SPIDR: variants seen among roughly 807,000 people sequenced by gnomAD.
SPIDR encodes scaffold protein involved in DNA repair.
Under a neutral mutation model 104.6 loss-of-function variants are expected in SPIDR, and 93 were observed. The ratio of observed to expected loss-of-function variants is 0.89; its 90% CI spans 0.75 to 1.06. The LOEUF is 1.06. SPIDR is among the 50% of genes least tolerant of loss of function. SPIDR has a pLI of 0.00. For missense variants in SPIDR, 1,154 were observed against 1,111.2 expected, an observed-to-expected ratio of 1.04 and a Z score of -0.55; for synonymous variants, 431 against 416.9, an observed-to-expected ratio of 1.03 and a Z score of -0.41.
chr8:47,477,685 TA>T (rs1415968133), intron 8 of SPIDR, among the ~76,000 whole-genome samples: 2 of 152,196 alleles, frequency 1.3e-5, no homozygotes, highest in African/African-American at 4.8e-5. Context: ...CAATAAGTAT[TA>T]AAGTGGCAGT....
intron 8 of SPIDR, among the ~76,000 whole-genome samples, chr8:47,517,798 A>C (rs1331114122): frequency 6.6e-6 from 1 of 152,164 alleles, no homozygotes; most frequent in Non-Finnish European, 1.5e-5. Context: ...AATCCATCTG[A>C]AATTTATTTT....
intron 5 of SPIDR, among the ~76,000 whole-genome samples, chr8:47,304,337 A>G (rs1370541023): frequency 6.6e-6 from 1 of 152,074 alleles, no homozygotes; most frequent in Non-Finnish European, 1.5e-5. Context: ...CTGTCCTCAC[A>G]ATAGTGAGTG....
intron 5 of SPIDR, among the ~76,000 whole-genome samples, chr8:47,342,575 G>C (rs1554614806): frequency 6.6e-6 from 1 of 152,030 alleles, no homozygotes; most frequent in Non-Finnish European, 1.5e-5. Context: ...GACCTCAGGT[G>C]ATCCACCTGC....
In SPIDR at chr8:47,627,583, C is replaced by G. The variant is rs181758627; in HGVS notation, c.1544+28387C>G. Among the ~76,000 whole-genome samples, 4 of 152,268 alleles carry G rather than the reference C, an allele frequency of 2.6e-5. No individual in the cohort carries two copies. The East Asian group carries it at 7.7e-4, about 29-fold the overall frequency. Reference sequence around the variant, plus strand: ...TGTTTAAGAAATTGCTCAGGATACTCTGTCTCTGCTTTTGAAAACTTTCTC... The same window carrying G: ...TGTTTAAGAAATTGCTCAGGATACTGTGTCTCTGCTTTTGAAAACTTTCTC... On this transcript the variant is annotated intron_variant, in intron 10 of 19. Coordinates refer to ENST00000297423, the MANE Select transcript of SPIDR (RefSeq NM_001080394.4).
intron 3 of SPIDR, among the ~76,000 whole-genome samples, chr8:47,285,223 G>A (rs1220055899): frequency 6.6e-6 from 1 of 152,182 alleles, no homozygotes; most frequent in Non-Finnish European, 1.5e-5. Flanking sequence ...TCTACAGAGT[G>A]AACTAACTTC....
intron 11 of SPIDR, chr8:47,697,618 T>G (rs1399430601): frequency 3.3e-5 from 5 of 152,362 alleles, no homozygotes; most frequent in Non-Finnish European, 7.3e-5. Flanking sequence ...GTGCTGCAGG[T>G]GGGTCTGCCA....
At chr8:47,294,175 A>G in intron 5 of SPIDR, 145 bp downstream of exon 5, 2 of 990,754 alleles carry the variant, frequency 2.0e-6, no homozygotes, top group East Asian at 2.7e-5. Context: ...TTCTTTACTC[A>G]CTTATCTCTA....
intron 10 of SPIDR, among the ~76,000 whole-genome samples, chr8:47,604,556 G>A (rs897854951): frequency 3.9e-5 from 6 of 152,228 alleles, no homozygotes; most frequent in Admixed American, 3.9e-4. Context: ...AGGACTGGTG[G>A]GTTCCTGAGT....
chr8:47,650,004 AC>A, intron 10 of SPIDR, among the ~76,000 whole-genome samples: 1 of 152,324 alleles, frequency 6.6e-6, no homozygotes, highest in African/African-American at 2.4e-5. Context: ...CCAACATCAT[AC>A]TGAATGGGGA....
chr8:47,535,748 C>T (rs2086796821), intron 8 of SPIDR, among the ~76,000 whole-genome samples: 1 of 151,946 alleles, frequency 6.6e-6, no homozygotes, highest in Non-Finnish European at 1.5e-5. Flanking sequence ...GTTAAAGAAC[C>T]TCTGCAAAGA....
intron 5 of SPIDR, among the ~76,000 whole-genome samples, chr8:47,315,763 A>T (rs1192205977): frequency 6.6e-6 from 1 of 152,196 alleles, no homozygotes; most frequent in Non-Finnish European, 1.5e-5. Flanking sequence ...GAGGGAAAAG[A>T]AAGGCTTTTA....
chr8:47,480,689 T>G (rs1344342285), intron 8 of SPIDR, among the ~76,000 whole-genome samples: 1 of 152,174 alleles, frequency 6.6e-6, no homozygotes, highest in Non-Finnish European at 1.5e-5. Context: ...CTGACTTGGA[T>G]TTCAGAGTTT....
intron 10 of SPIDR, among the ~76,000 whole-genome samples, chr8:47,615,566 G>A (rs1278816609): frequency 6.6e-6 from 1 of 150,424 alleles, no homozygotes; most frequent in East Asian, 2.0e-4. Context: ...TCCGCCTCTC[G>A]GGTTCCAGCA....
intron 9 of SPIDR, among the ~76,000 whole-genome samples, chr8:47,598,340 G>C (rs760108379): frequency 6.6e-6 from 1 of 152,132 alleles, no homozygotes; most frequent in South Asian, 2.1e-4. Context: ...TAAAATGGAG[G>C]TGTGATATTA....
intron 6 of SPIDR, among the ~76,000 whole-genome samples, chr8:47,397,070 G>A (rs1202289020): frequency 6.6e-6 from 1 of 152,140 alleles, no homozygotes; most frequent in Non-Finnish European, 1.5e-5. Context: ...TCAGTCAGGG[G>A]CTGGGCTGTG....
chr8:47,326,815 A>G (rs921099121), intron 5 of SPIDR, among the ~76,000 whole-genome samples: 6 of 152,234 alleles, frequency 3.9e-5, no homozygotes, highest in African/African-American at 4.8e-5. Flanking sequence ...ATAATGTTCC[A>G]TTGAATGTAT....
intron 3 of SPIDR, among the ~76,000 whole-genome samples, chr8:47,285,648 C>T (rs1367729259): frequency 2.6e-5 from 4 of 152,150 alleles, no homozygotes; most frequent in Non-Finnish European, 4.4e-5. Flanking sequence ...TTCACATTGT[C>T]TTCTCTGTGC....
At chr8:47,319,305 A>G (rs185807377) in intron 5 of SPIDR, among the ~76,000 whole-genome samples, 3 of 152,318 alleles carry the variant, frequency 2.0e-5, no homozygotes, top group Non-Finnish European at 4.4e-5. Flanking sequence ...CTAGTCTCTG[A>G]TAAAACAGAC....
intron 5 of SPIDR, among the ~76,000 whole-genome samples, chr8:47,350,094 C>T (rs1193517862): frequency 6.6e-6 from 1 of 152,196 alleles, no homozygotes; most frequent in Non-Finnish European, 1.5e-5. Context: ...CCTATTCAGC[C>T]ATCTTGGAAT....
Sources: gnomAD v4.1 joint callset for allele counts (sites outside exome capture counted in the v4.1 genomes callset) on GRCh38, gnomAD v4.1.1 for gene constraint, MANE v1.5 for transcripts, NCBI Gene and HGNC (gene_info 2026-07-23, HGNC 2026-07-21) for gene names.